GLI3: variants seen among roughly 807,000 people sequenced by gnomAD.
GLI3 encodes the protein transcription activator GLI3.
Under a neutral mutation model 100.8 loss-of-function variants are expected in GLI3, and 20 were observed. The ratio of observed to expected loss-of-function variants is 0.20; its 90% CI spans 0.14 to 0.29. The LOEUF is 0.29. Among genes scored for constraint, GLI3 ranks in the 10% least tolerant of loss-of-function variants. The pLI is 1.00. For synonymous variants in GLI3, 938 were observed against 860.5 expected (o/e 1.09, Z -1.58); for missense variants, 2,040 against 2,128.5 (o/e 0.96, Z 0.82).
intron 2 of GLI3, among the ~76,000 whole-genome samples, chr7:42,174,555 C>A (rs148652128): frequency 1.4e-4 from 21 of 152,282 alleles, no homozygotes; most frequent in Admixed American, 1.0e-3. Flanking sequence ...TTGAGCAAAT[C>A]CTCATAAATC....
intron 3 of GLI3, among the ~76,000 whole-genome samples, chr7:42,146,173 A>G (rs1191588656): frequency 6.6e-6 from 1 of 152,216 alleles, no homozygotes; most frequent in Non-Finnish European, 1.5e-5. Flanking sequence ...ACATAATTTT[A>G]ACACTGATTT....
intron 7 of GLI3, among the ~76,000 whole-genome samples, chr7:42,032,447 A>G (rs1209039499): frequency 2.0e-5 from 3 of 152,214 alleles, no homozygotes; most frequent in Non-Finnish European, 4.4e-5. Flanking sequence ...AATATATAAA[A>G]TGGAAACACA....
rs758881740 is a variant in GLI3, at chr7:41,966,159, G to C, written c.2914C>G (p.Pro972Ala). Residue 972 changes from proline (P) to alanine (A), a missense_variant, in exon 15 of 15, where the codon CCA (proline) becomes GCA (alanine). Physicochemically the swap from Pro to Ala is conservative, Grantham distance 27. This residue lies in a region of GLI3 where 1,041 missense variants were observed against 924.0 expected (regional missense o/e 1.13). Transcript: ENST00000395925. The surrounding 1 kb of genome is among the most constrained non-coding windows in gnomAD (Gnocchi z 5.8). ...DALEPGVALP[P>A]VHAPRRCSDG... is the part of the protein sequence containing the mutation. ...CTGCACCTCCTCGGGGCATGAACTG[G>C]AGGCAGGGCCACGCCAGGCTCGAGG... 1.9e-6 allele frequency: 3 copies of C among 1,599,394 alleles called. No homozygotes were observed. In the African/African-American group the frequency reaches 4.0e-5, roughly 21 times the overall value.
rs557717455 is a variant in GLI3, at chr7:42,155,196, T to C, written c.125-6728A>G. 5.9e-5 allele frequency among the ~76,000 whole-genome samples: 9 copies of C among 152,008 alleles called. No homozygotes were observed. The South Asian group carries it at 1.9e-3, about 32-fold the overall frequency. The stretch of plus-strand genomic sequence containing the variant: ...GGATCACACCTGTAATCCCAGCACT[T>C]TGGGAGGCCGAGGTGGGCAGATAAC... On this transcript the variant is annotated intron_variant, in intron 2 of 14. Coordinates refer to ENST00000395925, the MANE Select transcript of GLI3 (RefSeq NM_000168.6).
chr7:42,116,419 A>G (rs1785857435), intron 3 of GLI3, among the ~76,000 whole-genome samples: 1 of 152,062 alleles, frequency 6.6e-6, no homozygotes, highest in Admixed American at 6.6e-5. Flanking sequence ...CTGGGTGAAT[A>G]AACTAAATAA....
chr7:42,118,423 T>A, intron 3 of GLI3: 1 of 397,684 alleles, frequency 2.5e-6, no homozygotes, highest in Non-Finnish European at 4.4e-6. Flanking sequence ...GTGCCATGAC[T>A]CAAAATGGGC....
chr7:42,197,447 C>G (rs1787949504), intron 2 of GLI3, among the ~76,000 whole-genome samples: 1 of 152,220 alleles, frequency 6.6e-6, no homozygotes, highest in Non-Finnish European at 1.5e-5. Context: ...TATTTTAATC[C>G]TCTGACTAAC....
intron 5 of GLI3, among the ~76,000 whole-genome samples, chr7:42,047,865 T>C (rs1174613880): frequency 6.6e-6 from 1 of 152,214 alleles, no homozygotes; most frequent in Non-Finnish European, 1.5e-5. Flanking sequence ...TCTAAGACCT[T>C]GCCACTCAGA....
intron 1 of GLI3, chr7:42,227,732 C>T (rs935772305): frequency 1.3e-5 from 2 of 152,132 alleles, no homozygotes; most frequent in African/African-American, 2.4e-5. Context: ...ACCTTTACCA[C>T]CTTGGCGAAT....
chr7:42,184,041 C>T (rs1055805251), intron 2 of GLI3, among the ~76,000 whole-genome samples: 2 of 152,224 alleles, frequency 1.3e-5, no homozygotes, highest in East Asian at 3.9e-4. Context: ...GGGATAATGA[C>T]AGTAGCCACT....
At chr7:42,147,339 G>C (rs1786737836) in intron 3 of GLI3, among the ~76,000 whole-genome samples, 1 of 152,188 alleles carries the variant, frequency 6.6e-6, no homozygotes, top group Admixed American at 6.5e-5. Flanking sequence ...ATTTCTGAAT[G>C]ATGTGGAAAA....
chr7:42,035,982 G>A (rs1318306587), intron 7 of GLI3, among the ~76,000 whole-genome samples: 1 of 152,154 alleles, frequency 6.6e-6, no homozygotes, highest in African/African-American at 2.4e-5. Flanking sequence ...ATTTAATTAT[G>A]AGATTTTAAA....
At chr7:42,080,114 T>C (rs982843302) in intron 3 of GLI3, among the ~76,000 whole-genome samples, 2 of 152,220 alleles carry the variant, frequency 1.3e-5, no homozygotes, top group Admixed American at 1.3e-4. Flanking sequence ...AATTATTCTT[T>C]CAGGGTTTAA....
At chr7:42,038,176 A>T (rs1369050155) in intron 7 of GLI3, among the ~76,000 whole-genome samples, 2 of 152,204 alleles carry the variant, frequency 1.3e-5, no homozygotes, top group Non-Finnish European at 2.9e-5. Context: ...ATGTCAGTCT[A>T]TGACCCAGGA....
intron 2 of GLI3, among the ~76,000 whole-genome samples, chr7:42,189,067 C>T (rs1430599309): frequency 1.3e-5 from 2 of 152,026 alleles, no homozygotes; most frequent in East Asian, 3.9e-4. Context: ...AGGATGTTGA[C>T]AGTGGGGGAG....
chr7:42,076,612 C>T (rs1784883316), intron 4 of GLI3, 140 bp downstream of exon 4: 1 of 693,858 alleles, frequency 1.4e-6, no homozygotes, highest in African/African-American at 1.8e-5. Context: ...AACAGATAGG[C>T]TTGCTATATT....
At chr7:42,127,997 C>T (rs112169635) in intron 3 of GLI3, among the ~76,000 whole-genome samples, 32,283 of 137,080 alleles carry the variant, frequency 0.24, 4,314 homozygotes, top group South Asian at 0.39. Flanking sequence ...CCAGCCTGGG[C>T]GACAGAGCAA....
At chr7:41,997,833 C>G (rs1007319406) in intron 10 of GLI3, among the ~76,000 whole-genome samples, 3 of 152,048 alleles carry the variant, frequency 2.0e-5, no homozygotes, top group African/African-American at 7.2e-5. Context: ...TAACTTGAAC[C>G]AATAATCTGT....
At chr7:42,170,686 G>A (rs1201820310) in intron 2 of GLI3, among the ~76,000 whole-genome samples, 1 of 152,112 alleles carries the variant, frequency 6.6e-6, no homozygotes, top group Admixed American at 6.5e-5. Flanking sequence ...ACAGGTGTGA[G>A]CCACCACGTC....
Sources: gnomAD v4.1 joint callset for allele counts (sites outside exome capture counted in the v4.1 genomes callset) on GRCh38, gnomAD v4.1.1 for gene constraint, gnomAD v4.1.1 regional missense constraint, Gnocchi (gnomAD v3.1) non-coding constraint, MANE v1.5 for transcripts, NCBI Gene and HGNC (gene_info 2026-07-23, HGNC 2026-07-21) for gene names.